DPP10: variants seen among roughly 807,000 people sequenced by gnomAD.
DPP10 encodes dipeptidyl peptidase like 10.
In DPP10, 33 loss-of-function variants were observed where a neutral mutation model predicts 120.9. The ratio of observed to expected loss-of-function variants is 0.27; its 90% confidence interval spans 0.21 to 0.37. The LOEUF is 0.37. Among genes scored for constraint, DPP10 ranks in the 10% least tolerant of loss-of-function variants. DPP10 has a pLI of 1.00. For synonymous variants in DPP10, 337 were observed against 326.1 expected, an observed-to-expected ratio of 1.03 and a Z score of -0.36; for missense variants, 816 against 942.8, an observed-to-expected ratio of 0.87 and a Z score of 1.76.
chr2:115,612,550 AC>A, intron 5 of DPP10, among the ~76,000 whole-genome samples: 1 of 152,276 alleles, frequency 6.6e-6, no homozygotes. Flanking sequence ...CCTCGTTCTT[AC>A]CAAAAACCTC....
At chr2:115,709,653 C>A (rs2092253251) in intron 7 of DPP10, among the ~76,000 whole-genome samples, 1 of 151,148 alleles carries the variant, frequency 6.6e-6, no homozygotes, top group African/African-American at 2.4e-5. Flanking sequence ...GGATAAAGAG[C>A]AGAATGAAGA....
chr2:114,581,971 C>A (rs1343355031), intron 1 of DPP10, among the ~76,000 whole-genome samples: 1 of 152,112 alleles, frequency 6.6e-6, no homozygotes, highest in Non-Finnish European at 1.5e-5. Flanking sequence ...TCATTATCGT[C>A]CAAACTACAT....
chr2:114,818,474 C>A (rs1685818216), intron 1 of DPP10, among the ~76,000 whole-genome samples: 1 of 152,152 alleles, frequency 6.6e-6, no homozygotes, highest in Non-Finnish European at 1.5e-5. Flanking sequence ...CACCAAGTGG[C>A]TGCACGAAAG....
chr2:115,221,566 A>G (rs1440816037), intron 1 of DPP10, among the ~76,000 whole-genome samples: 1 of 152,150 alleles, frequency 6.6e-6, no homozygotes, highest in East Asian at 1.9e-4. Flanking sequence ...CTGGCCCTAT[A>G]TAGATGGCTG....
chr2:114,578,004 C>T (rs1206935989), intron 1 of DPP10, among the ~76,000 whole-genome samples: 2 of 152,180 alleles, frequency 1.3e-5, no homozygotes, highest in Non-Finnish European at 2.9e-5. Context: ...TAAGATACTG[C>T]AGGTTGAACT....
intron 17 of DPP10, among the ~76,000 whole-genome samples, chr2:115,785,284 T>G (rs530081881): frequency 6.6e-6 from 1 of 152,226 alleles, no homozygotes; most frequent in African/African-American, 2.4e-5. Context: ...GCCACTGTTT[T>G]CTTGAAGTTT....
intron 3 of DPP10, among the ~76,000 whole-genome samples, chr2:115,356,623 T>A (rs2064411052): frequency 6.6e-6 from 1 of 152,154 alleles, no homozygotes. Context: ...GGCATCCTTG[T>A]TTTTAACCAG....
At chr2:114,831,483 G>T (rs780322519) in intron 1 of DPP10, among the ~76,000 whole-genome samples, 2 of 152,086 alleles carry the variant, frequency 1.3e-5, no homozygotes, top group African/African-American at 4.8e-5. Flanking sequence ...CGGGAAGCAG[G>T]TTTGTCTTTT....
chr2:114,497,901 G>A (rs557809003), intron 1 of DPP10, among the ~76,000 whole-genome samples: 2 of 152,276 alleles, frequency 1.3e-5, no homozygotes, highest in South Asian at 4.1e-4. Flanking sequence ...TTTGATTCTA[G>A]GGAGATGCTC....
rs542427105 is a variant in DPP10, at chr2:115,024,494, G to A, written c.61-284745G>A. Reference sequence around the variant, plus strand: ...TGATTGCTTAGGATTTATAGTACACGTACATATTTTTCTTATTTTTATTTA... The same window carrying A: ...TGATTGCTTAGGATTTATAGTACACATACATATTTTTCTTATTTTTATTTA... On this transcript the variant is annotated intron_variant, in intron 1 of 25. Coordinates refer to ENST00000410059, the MANE Select transcript of DPP10 (RefSeq NM_020868.6). Among the ~76,000 whole-genome samples the A allele has an allele frequency of 1.0e-3, 153 of 151,378 alleles. 1 individual carries two copies. The Middle Eastern group carries it at 0.021, about 20-fold the overall frequency.
At chr2:115,288,716 C>A (rs1223487132) in intron 1 of DPP10, among the ~76,000 whole-genome samples, 1 of 151,634 alleles carries the variant, frequency 6.6e-6, no homozygotes, top group African/African-American at 2.4e-5. Flanking sequence ...AGCAAGACTG[C>A]CTCAAAACAA....
At chr2:115,416,572 A>G (rs1365659134) in intron 3 of DPP10, among the ~76,000 whole-genome samples, 1 of 152,188 alleles carries the variant, frequency 6.6e-6, no homozygotes, top group Admixed American at 6.5e-5. Context: ...TCCCGGTATC[A>G]AGTTCTTAAC....
intron 3 of DPP10, among the ~76,000 whole-genome samples, chr2:115,463,630 G>A (rs2074123432): frequency 6.6e-6 from 1 of 152,138 alleles, no homozygotes; most frequent in Admixed American, 6.5e-5. Context: ...TCTTCCTTAT[G>A]TGATGAGTAT....
At chr2:115,209,144 AC>A (rs1054598067) in intron 1 of DPP10, among the ~76,000 whole-genome samples, 5 of 152,066 alleles carry the variant, frequency 3.3e-5, no homozygotes, top group Non-Finnish European at 5.9e-5. Context: ...TTTGACTTGA[AC>A]ACCTTTCCTC....
chr2:115,210,703 T>C (rs542411472), intron 1 of DPP10, among the ~76,000 whole-genome samples: 3 of 152,296 alleles, frequency 2.0e-5, no homozygotes, highest in African/African-American at 4.8e-5. Flanking sequence ...TTTTTAATGA[T>C]CACCATTCTA....
chr2:115,498,668 A>G (rs981591386), intron 3 of DPP10, among the ~76,000 whole-genome samples: 22 of 147,658 alleles, frequency 1.5e-4, no homozygotes, highest in Admixed American at 1.5e-3. Flanking sequence ...TAATGTGGCT[A>G]TCTTCTCTTT....
rs145781369 is a variant in DPP10 at position 115,725,354 on chromosome 2, G to A, written c.577-2462G>A. Among the ~76,000 whole-genome samples the A allele has an allele frequency of 2.9e-4, 44 of 152,222 alleles. No individual in the cohort carries two copies. In the East Asian group the frequency reaches 8.1e-3, roughly 28 times the overall value. ...GGATAAACTTTGATAATTGAAAAGG[G>A]ATTAGGATGTTAAAAATGCACACTT... On this transcript the variant is annotated intron_variant, in intron 7 of 25. Transcript: ENST00000410059.
chr2:115,093,989 A>G (rs1176634499), intron 1 of DPP10, among the ~76,000 whole-genome samples: 1 of 152,120 alleles, frequency 6.6e-6, no homozygotes, highest in South Asian at 2.1e-4. Context: ...TAGTATAGGA[A>G]TTAATGTCAT....
chr2:114,830,242 A>G (rs1221050625), intron 1 of DPP10, among the ~76,000 whole-genome samples: 1 of 152,116 alleles, frequency 6.6e-6, no homozygotes. Context: ...AAATGGGGCC[A>G]TCGAGTACCC....
Sources: allele counts gnomAD v4.1 joint callset (sites outside exome capture counted in the v4.1 genomes callset), GRCh38; gene constraint gnomAD v4.1.1; transcripts MANE v1.5; gene names NCBI Gene and HGNC (gene_info 2026-07-23, HGNC 2026-07-21).